The following TMPRSS11F variants were observed in gnomAD, a reference collection of about 807,000 sequenced individuals.
The protein encoded by TMPRSS11F is transmembrane protease serine 11F.
A neutral mutation model predicts 60.2 loss-of-function variants in TMPRSS11F; 47 were observed. The observed-to-expected ratio is 0.78, with a 90% CI of 0.62 to 1.00. The LOEUF (loss-of-function observed/expected upper bound fraction) is 1.00. Ranked by LOEUF, TMPRSS11F falls within the 50% of genes least tolerant of loss-of-function variation. The pLI, the probability that TMPRSS11F is intolerant of heterozygous loss-of-function variation, is 0.00. For missense variants in TMPRSS11F, 519 were observed against 522.9 expected, an observed-to-expected ratio of 0.99 and a Z score of 0.07; for synonymous variants, 166 against 167.3, an observed-to-expected ratio of 0.99 and a Z score of 0.06.
chr4:68,057,303 GAGA>G (rs1011927673), intron 9 of TMPRSS11F, among the ~76,000 whole-genome samples: 9 of 146,772 alleles, frequency 6.1e-5, no homozygotes, highest in East Asian at 3.9e-4. Context: ...AAAAAAAAAG[GAGA>G]AGAAGAATGA....
chr4:68,128,118 C>T (rs1560415085), intron 1 of TMPRSS11F, among the ~76,000 whole-genome samples: 1 of 152,086 alleles, frequency 6.6e-6, no homozygotes, highest in Non-Finnish European at 1.5e-5. Context: ...GCTAAGAGGC[C>T]ATAGTCTATC....
rs767971363 is a variant in TMPRSS11F at position 68,061,656 on chromosome 4, T to TA, written c.1016-2189dup. On this transcript the variant is annotated intron_variant, in intron 8 of 9. Coordinates refer to ENST00000356291, the MANE Select transcript of TMPRSS11F (RefSeq NM_207407.2). ...GCTTATCTGCTGTGTTTTCAGTTTG[T>TA]AAAAAAAAATGTATTTTCACATTAC... 2.4e-3 allele frequency among the ~76,000 whole-genome samples: 371 copies of TA among 151,676 alleles called. 1 individual carries two copies. Among genetic ancestry groups the TA allele is most frequent in the African/African-American group, 7.2e-3 (299 of 41,420 alleles).
chr4:68,062,447 T>C, intron 8 of TMPRSS11F: 1 of 645,876 alleles, frequency 1.5e-6, no homozygotes, highest in South Asian at 1.4e-5. Flanking sequence ...ATATGATTCT[T>C]CAAAGAACAG....
intron 1 of TMPRSS11F, among the ~76,000 whole-genome samples, chr4:68,105,049 G>GTTTTT (rs34041075): frequency 4.3e-4 from 24 of 55,192 alleles, no homozygotes; most frequent in South Asian, 9.4e-4. Context: ...TTCCCTCTAG[G>GTTTTT]TTTTTTTTTT....
intron 3 of TMPRSS11F, among the ~76,000 whole-genome samples, chr4:68,081,411 T>C (rs1381407757): frequency 6.6e-6 from 1 of 152,242 alleles, no homozygotes; most frequent in Non-Finnish European, 1.5e-5. Flanking sequence ...CATGTTTATA[T>C]TTATTTTTAT....
intron 7 of TMPRSS11F, among the ~76,000 whole-genome samples, chr4:68,068,395 A>G (rs192894238): frequency 1.4e-4 from 22 of 152,328 alleles, no homozygotes; most frequent in Admixed American, 4.6e-4. Flanking sequence ...GAAAGACAGC[A>G]CTAGGGTCAT....
intron 1 of TMPRSS11F, among the ~76,000 whole-genome samples, chr4:68,113,741 A>C (rs1425941976): frequency 6.6e-6 from 1 of 152,182 alleles, no homozygotes; most frequent in Non-Finnish European, 1.5e-5. Context: ...AAAAATTGAT[A>C]AGCAAATAGT....
chr4:68,107,456 G>A (rs1030648354), intron 1 of TMPRSS11F, among the ~76,000 whole-genome samples: 9 of 152,156 alleles, frequency 5.9e-5, no homozygotes, highest in Non-Finnish European at 1.0e-4. Flanking sequence ...GTGGAGACAT[G>A]AACAAGGTGA....
intron 9 of TMPRSS11F, among the ~76,000 whole-genome samples, chr4:68,056,580 G>C (rs1723051455): frequency 6.6e-6 from 1 of 151,876 alleles, no homozygotes; most frequent in Non-Finnish European, 1.5e-5. Flanking sequence ...TGGATTGAAA[G>C]AATTATCATT....
chr4:68,091,701 A>T (rs1206541463), intron 2 of TMPRSS11F, among the ~76,000 whole-genome samples: 1 of 150,412 alleles, frequency 6.6e-6, no homozygotes, highest in Non-Finnish European at 1.5e-5. Context: ...TATCCAATTA[A>T]TTTTTCAGTC....
chr4:68,110,922 C>T lies in TMPRSS11F; in HGVS notation c.12-11884G>A, dbSNP rs185539669. On this transcript the variant is annotated intron_variant, in intron 1 of 9. Transcript: ENST00000356291. ...AAATAAAATGGCTATAGCAGGAGTC[C>T]AATGATGGAAATGGACAGTACAACT... 3.3e-5 allele frequency among the ~76,000 whole-genome samples: 5 copies of T among 152,126 alleles called. No homozygotes were observed. The East Asian group carries it at 9.7e-4, about 29-fold the overall frequency.
At chr4:68,109,935 A>G (rs1243041286) in intron 1 of TMPRSS11F, among the ~76,000 whole-genome samples, 1 of 152,218 alleles carries the variant, frequency 6.6e-6, no homozygotes, top group Non-Finnish European at 1.5e-5. Flanking sequence ...AAACAACAAA[A>G]CATTAAATTA....
intron 3 of TMPRSS11F, among the ~76,000 whole-genome samples, chr4:68,081,422 C>T (rs189665045): frequency 6.6e-6 from 1 of 152,218 alleles, no homozygotes; most frequent in Admixed American, 6.5e-5. Flanking sequence ...TTATTTTTAT[C>T]TAAACAAACA....
intron 1 of TMPRSS11F, among the ~76,000 whole-genome samples, chr4:68,116,128 G>A (rs1409621957): frequency 6.6e-6 from 1 of 151,414 alleles, no homozygotes; most frequent in Non-Finnish European, 1.5e-5. Context: ...AAATACAGAA[G>A]AAAATATTTT....
At chr4:68,097,136 T>G (rs929968128) in intron 2 of TMPRSS11F, among the ~76,000 whole-genome samples, 1 of 152,226 alleles carries the variant, frequency 6.6e-6, no homozygotes, top group African/African-American at 2.4e-5. Flanking sequence ...GACTTGGAGA[T>G]AGAACACTCA....
At chr4:68,103,365 G>A (rs115052389) in intron 1 of TMPRSS11F, among the ~76,000 whole-genome samples, 5,420 of 151,694 alleles carry the variant, frequency 0.036, 272 homozygotes, top group African/African-American at 0.11. Flanking sequence ...AAGATCACCT[G>A]AGCCCAGGAG....
chr4:68,082,715 AGTGCCAAGCTGAGAT>A (rs1456182743), intron 3 of TMPRSS11F, among the ~76,000 whole-genome samples: 1 of 152,244 alleles, frequency 6.6e-6, no homozygotes, highest in Non-Finnish European at 1.5e-5. Context: ...ATAGTTCAGG[AGTGCCAAGCTGAGAT>A]CTGTGGCTGG....
intron 3 of TMPRSS11F, among the ~76,000 whole-genome samples, chr4:68,085,727 G>T (rs1030008115): frequency 3.4e-4 from 52 of 152,114 alleles, no homozygotes; most frequent in Admixed American, 3.4e-3. Flanking sequence ...GTTGGAGAAA[G>T]ATCCGTCATG....
rs376098718 is a variant in TMPRSS11F, at chr4:68,120,631, GC to G, written c.11+9178del. 2.0e-3 allele frequency among the ~76,000 whole-genome samples: 308 copies of G among 151,974 alleles called. 7 individuals carry two copies. In the East Asian group the frequency reaches 0.052, roughly 26 times the overall value. The stretch of plus-strand genomic sequence containing the variant: ...TCTCGATCTCCTGACCTCGTGATCC[GC>G]CCGCCTCGGCCTCCCAAAGTGCTGG... On this transcript the variant is annotated intron_variant, in intron 1 of 9. Coordinates refer to ENST00000356291, the MANE Select transcript of TMPRSS11F (RefSeq NM_207407.2).
Sources: allele counts gnomAD v4.1 joint callset (sites outside exome capture counted in the v4.1 genomes callset), GRCh38; gene constraint gnomAD v4.1.1; transcripts MANE v1.5; gene names NCBI Gene and HGNC (gene_info 2026-07-23, HGNC 2026-07-21).